SVOP: variants seen among roughly 807,000 people sequenced by gnomAD.
SVOP encodes SV2 related protein.
In SVOP, 17 loss-of-function variants were observed where a neutral mutation model predicts 69.1. The observed-to-expected ratio is 0.25, with a 90% CI of 0.17 to 0.37. The LOEUF is 0.37. Ranked by LOEUF, SVOP falls within the 10% of genes least tolerant of loss-of-function variation. SVOP has a pLI of 1.00. For missense variants in SVOP, 435 were observed against 597.5 expected (o/e 0.73, Z 2.84); for synonymous variants, 238 against 238.6 (o/e 1.00, Z 0.02).
chr12:108,934,410 G>A lies in SVOP; in HGVS notation c.972-139C>T, dbSNP rs1302671854. ...TCACTGGGATTTTGGGGGCTTTACT[G>A]GGGACCTTGAGCAAGAAGATGGTAG... On this transcript the variant is annotated intron_variant, in intron 10 of 15. Coordinates refer to ENST00000610966, the MANE Select transcript of SVOP (RefSeq NM_018711.5). 1.5e-5 allele frequency: 10 copies of A among 647,890 alleles called. No individual in the cohort carries two copies. The African/African-American group carries it at 1.7e-4, about 11-fold the overall frequency. The allele number at this position is 647,890 out of a possible 1,614,324, so 40.1% of individuals were successfully genotyped here. A position where few individuals can be genotyped will look rare whatever the true frequency, so the allele number is the denominator to read the frequency against.
At chr12:108,937,213 C>A in intron 10 of SVOP, 51 bp downstream of exon 10, 1 of 1,595,732 alleles carries the variant, frequency 6.3e-7, no homozygotes, top group Non-Finnish European at 8.6e-7. Flanking sequence ...AAACCCAAAA[C>A]AGGGCACAGG....
intron 6 of SVOP, among the ~76,000 whole-genome samples, chr12:108,960,584 C>T (rs1346174524): frequency 2.6e-5 from 4 of 152,134 alleles, no homozygotes; most frequent in African/African-American, 9.7e-5. Flanking sequence ...GCTCAGTTTC[C>T]CCAACTGTAA....
chr12:108,972,289 C>A (rs2040083658), intron 5 of SVOP, 116 bp downstream of exon 5: 2 of 971,984 alleles, frequency 2.1e-6, no homozygotes, highest in Non-Finnish European at 3.1e-6. Context: ...CACTGTACTT[C>A]AACATCATCC....
chr12:109,006,290 T>A (rs1345791045), intron 1 of SVOP, among the ~76,000 whole-genome samples: 1 of 152,178 alleles, frequency 6.6e-6, no homozygotes, highest in East Asian at 1.9e-4. Context: ...TGACCTCAGA[T>A]GATCTGCCTA....
At chr12:108,958,175 T>C (rs958442887) in intron 6 of SVOP, among the ~76,000 whole-genome samples, 3 of 152,120 alleles carry the variant, frequency 2.0e-5, no homozygotes, top group Non-Finnish European at 4.4e-5. Flanking sequence ...CCTATTTTCA[T>C]TATTCTTTAA....
chr12:108,940,989 G>A, intron 7 of SVOP, 80 bp from the exon 8 acceptor site: 1 of 1,487,358 alleles, frequency 6.7e-7, no homozygotes, highest in Non-Finnish European at 9.0e-7. Context: ...TGTGGACAAG[G>A]GTATCTCTGT....
intron 6 of SVOP, among the ~76,000 whole-genome samples, chr12:108,955,282 A>T (rs1215695935): frequency 1.3e-5 from 2 of 152,202 alleles, no homozygotes; most frequent in East Asian, 3.9e-4. Flanking sequence ...CATTCCTTCC[A>T]GCCACGAGGG....
intron 7 of SVOP, among the ~76,000 whole-genome samples, chr12:108,942,796 A>C (rs562940677): frequency 2.6e-5 from 4 of 152,012 alleles, no homozygotes; most frequent in Non-Finnish European, 5.9e-5. Flanking sequence ...ACGGAGTCTC[A>C]CTCTGTTGCC....
intron 1 of SVOP, among the ~76,000 whole-genome samples, chr12:108,990,508 G>A (rs1407233251): frequency 2.5e-4 from 36 of 143,560 alleles, no homozygotes; most frequent in Admixed American, 1.1e-3. Context: ...GGGACCTGTC[G>A]TGGGATAGGG....
Position 108,912,759 on chromosome 12 carries a change from G to A in SVOP, c.1441-18C>T, listed in dbSNP as rs750743783. The A allele has an allele frequency of 9.3e-6, 15 of 1,609,354 alleles. No homozygotes were observed. The highest frequency in any genetic ancestry group is 1.6e-4 in the Middle Eastern group (1 of 6,078). ...AGCATCACCTAGGGGAAGGAGACAC[G>A]GGTCGGTGAAAGCATCCCTTCTGAA... On this transcript the variant is annotated intron_variant, in intron 15 of 15. Transcript: ENST00000610966.
chr12:109,018,105 G>GAATGAATGAATGAATGA (rs1566070595), intron 1 of SVOP, among the ~76,000 whole-genome samples: 21 of 110,702 alleles, frequency 1.9e-4, no homozygotes, highest in South Asian at 4.5e-4. Flanking sequence ...AGAATGGATG[G>GAATGAATGAATGAATGA]ATGAATGAAT....
intron 1 of SVOP, among the ~76,000 whole-genome samples, chr12:108,985,567 G>T (rs2040161956): frequency 6.6e-6 from 1 of 152,158 alleles, no homozygotes; most frequent in African/African-American, 2.4e-5. Flanking sequence ...AGCTACTTGG[G>T]AGGCTGAGGT....
At chr12:108,958,524 G>C (rs565201613) in intron 6 of SVOP, among the ~76,000 whole-genome samples, 2 of 152,216 alleles carry the variant, frequency 1.3e-5, no homozygotes, top group East Asian at 3.9e-4. Flanking sequence ...TATGATGTTT[G>C]CACGGTGACA....
chr12:108,957,408 C>T (rs1441132580), intron 6 of SVOP, among the ~76,000 whole-genome samples: 8 of 152,320 alleles, frequency 5.3e-5, no homozygotes, highest in Middle Eastern at 3.4e-3. Context: ...ACATGATCCA[C>T]CTGCCTTGGC....
chr12:108,979,983 G>A (rs1342683148), intron 2 of SVOP, among the ~76,000 whole-genome samples: 1 of 152,182 alleles, frequency 6.6e-6, no homozygotes, highest in Non-Finnish European at 1.5e-5. Context: ...AGCAGCCTGG[G>A]CAGCATAGTG....
intron 11 of SVOP, chr12:108,926,494 TTC>T (rs1169745025): frequency 6.6e-6 from 1 of 152,198 alleles, no homozygotes. Context: ...CATGCTAATT[TTC>T]TCTGTATTGT....
In SVOP at chr12:108,960,943, C is replaced by T. The variant is rs912922451; in HGVS notation, c.558G>A (p.Gly186=). ...CTTACGACTGGGGAACTCCTCCGAT[C>T]CCGAAGCCCACCAGGCCCCGGAGCA... ...ILVLRGLVGF[G]IGGVPQSVTL... Residue 186 remains glycine, a synonymous_variant, in exon 6 of 16, where the codon GGG becomes GGA. Transcript: ENST00000610966. 4.6e-6 allele frequency: 7 copies of T among 1,536,996 alleles called. No individual in the cohort carries two copies. The highest frequency in any genetic ancestry group is 6.1e-6 in the Non-Finnish European group (7 of 1,146,850).
intron 8 of SVOP, 63 bp downstream of exon 8, chr12:108,940,721 C>T: frequency 2.6e-6 from 4 of 1,514,146 alleles, no homozygotes; most frequent in Non-Finnish European, 3.5e-6. Context: ...CCCTCCCCAC[C>T]AAAATAGAGT....
In SVOP at chr12:108,978,652, C is replaced by T. The variant is rs2040119667; in HGVS notation, c.208G>A (p.Val70Met). ...CCAATGGCTTCCACTGCATCTTCCA[C>T]CATGAAAGTATCTGGGAAGGAGAAA... The part of the protein sequence containing the change: ...FANPTDDTFM[V>M]EDAVEAIGFG... Residue 70 changes from valine to methionine, a missense_variant, in exon 3 of 16, where the codon GTG becomes ATG. Coordinates refer to ENST00000610966, the MANE Select transcript of SVOP (RefSeq NM_018711.5). 1.4e-6 allele frequency: 1 copy of T among 703,790 alleles called. No individual in the cohort carries two copies. The highest frequency in any genetic ancestry group is 1.5e-5 in the South Asian group (1 of 67,556). The allele number at this position is 703,790 out of a possible 1,614,324, so 43.6% of individuals were successfully genotyped here.
Sources: allele counts gnomAD v4.1 joint callset (sites outside exome capture counted in the v4.1 genomes callset), GRCh38; gene constraint gnomAD v4.1.1; transcripts MANE v1.5; gene names NCBI Gene and HGNC (gene_info 2026-07-23, HGNC 2026-07-21).